Variants in GLB1 observed in about 807,000 individuals in gnomAD.
GLB1 encodes the protein galactosidase beta 1, also known as beta-galactosidase.
GLB1 carries 56 observed loss-of-function variants against 74.0 expected under a neutral mutation model. That is an observed-to-expected ratio of 0.76 (90% confidence interval 0.61 to 0.94). GLB1 has a LOEUF of 0.94. GLB1 is among the 40% of genes least tolerant of loss of function. The pLI, the probability that GLB1 is intolerant of heterozygous loss-of-function variation, is 0.00. For synonymous variants in GLB1, 323 were observed against 323.6 expected (o/e 1.00, Z 0.02); for missense variants, 787 against 845.5 (o/e 0.93, Z 0.86).
chr3:33,046,287 G>T, intron 9 of GLB1, 55 bp from the exon 10 acceptor site: 1 of 1,601,672 alleles, frequency 6.2e-7, no homozygotes, highest in African/African-American at 1.3e-5. Context: ...TCTGGGACAA[G>T]TTCTTTGGGA....
chr3:33,021,717 G>A lies in GLB1; in HGVS notation c.1144-62C>T, dbSNP rs184751227. On this transcript the variant is annotated intron_variant, in intron 11 of 15. Coordinates refer to ENST00000307363, the MANE Select transcript of GLB1 (RefSeq NM_000404.4). ...CCCTCACTGGTCATCAGGTTACAGA[G>A]TCATTCCCTAATTATCAAAGACATC... is the stretch of plus-strand genomic sequence containing the variant. The A allele has an allele frequency of 1.2e-4, 180 of 1,562,738 alleles. No individual in the cohort carries two copies. The African/African-American group carries it at 2.2e-3, about 19-fold the overall frequency.
chr3:33,037,328 G>A (rs1296293579), intron 10 of GLB1, among the ~76,000 whole-genome samples: 1 of 152,142 alleles, frequency 6.6e-6, no homozygotes. Context: ...TTACAGGTAT[G>A]AGCCACCACA....
chr3:32,995,555 G>A (rs1266591936), downstream of GLB1, among the ~76,000 whole-genome samples: 1 of 152,028 alleles, frequency 6.6e-6, no homozygotes, highest in African/African-American at 2.4e-5. Context: ...GGCTCAACCT[G>A]TGTTTAAAGA....
At chr3:33,090,813 T>C (rs1700725609) in intron 1 of GLB1, 1 of 985,286 alleles carries the variant, frequency 1.0e-6, no homozygotes, top group African/African-American at 1.7e-5. Context: ...ACCTGTTTTC[T>C]TTCTGCTAAT....
intron 12 of GLB1, 172 bp downstream of exon 12, chr3:33,021,394 A>T: frequency 1.3e-6 from 1 of 755,326 alleles, no homozygotes; most frequent in Non-Finnish European, 2.2e-6. Context: ...TCAGCCCACC[A>T]CGCAGCACTT....
rs1553610268 is a variant in GLB1, at chr3:33,051,233, C to CAGA, written c.955+524_955+525insTCT. ...TGGGCGACAGAGCGAGACTGCGTCT[C>CAGA]AAAAAAAAAAAAAAAAAAAAAAAGT... On this transcript the variant is annotated intron_variant, in intron 9 of 15. Coordinates refer to ENST00000307363, the MANE Select transcript of GLB1 (RefSeq NM_000404.4). 9.2e-5 allele frequency among the ~76,000 whole-genome samples: 7 copies of CAGA among 76,406 alleles called. 1 individual carries two copies. The highest frequency in any genetic ancestry group is 1.5e-4 in the Admixed American group (1 of 6,642). 50.1% of individuals were successfully genotyped at this position (76,406 alleles called of 152,430 possible).
the GLB1 span, among the ~76,000 whole-genome samples, chr3:32,961,157 C>T: frequency 6.6e-6 from 1 of 152,192 alleles, no homozygotes; most frequent in Admixed American, 6.5e-5. Context: ...AACATAACTG[C>T]CAAAGTCTGC....
In GLB1 at chr3:33,034,756, G is replaced by A. The variant is rs142702869; in HGVS notation, c.1069-10431C>T. 1.7e-3 allele frequency: 1,120 copies of A among 669,260 alleles called. 5 individuals carry two copies. Among genetic ancestry groups the A allele is most frequent in the African/African-American group, 0.016 (897 of 56,256 alleles). 41.5% of individuals were successfully genotyped at this position (669,260 alleles called of 1,614,324 possible). ...GGGTGTGTATCAGTGATGTCAACAA[G>A]GGCCAGGGCTCTGTGTCAGCTTCAG... On this transcript the variant is annotated intron_variant, in intron 10 of 15. Coordinates refer to ENST00000307363, the MANE Select transcript of GLB1 (RefSeq NM_000404.4).
In GLB1 at chr3:33,066,917, TA is replaced by T. The variant is rs202088542; in HGVS notation, c.457+1312del. 2.2e-3 allele frequency among the ~76,000 whole-genome samples: 341 copies of T among 151,562 alleles called. 7 individuals carry two copies. The South Asian group carries it at 0.042, about 19-fold the overall frequency. ...AAACTATCATTTACACATTGCTCTA[TA>T]AAAGTGGCCAGAATATAGAAGGCAT... On this transcript the variant is annotated intron_variant, in intron 4 of 15. Transcript: ENST00000307363.
chr3:32,984,651 C>T, the GLB1 span, among the ~76,000 whole-genome samples: 6 of 152,002 alleles, frequency 3.9e-5, no homozygotes, highest in African/African-American at 9.6e-5. Flanking sequence ...TTACCAGGCA[C>T]GGTGGCTCAC....
At chr3:33,090,410 C>T (rs940860525) in intron 1 of GLB1, 56 of 985,178 alleles carry the variant, frequency 5.7e-5, no homozygotes, top group Non-Finnish European at 6.4e-5. Context: ...GGAAGAAAAG[C>T]ATGGATGGGT....
the GLB1 span, among the ~76,000 whole-genome samples, chr3:32,981,813 A>G: frequency 1.3e-5 from 2 of 152,108 alleles, no homozygotes; most frequent in African/African-American, 4.8e-5. Flanking sequence ...ATACTAACAA[A>G]GTTACGTCAG....
At chr3:33,042,389 T>TTTTTTTTTC (rs1553609327) in intron 10 of GLB1, among the ~76,000 whole-genome samples, 3 of 146,542 alleles carry the variant, frequency 2.0e-5, no homozygotes, top group African/African-American at 5.1e-5. Flanking sequence ...TTTTTTTTTT[T>TTTTTTTTTC]CCAAGTCTCG....
At chr3:33,015,017 G>A (rs776825944) in intron 14 of GLB1, among the ~76,000 whole-genome samples, 1 of 152,112 alleles carries the variant, frequency 6.6e-6, no homozygotes, top group Non-Finnish European at 1.5e-5. Context: ...TTGGCCTAGT[G>A]TGGGGGCATG....
chr3:32,991,103 T>C, the GLB1 span, among the ~76,000 whole-genome samples: 4 of 152,192 alleles, frequency 2.6e-5, no homozygotes, highest in African/African-American at 4.8e-5. Flanking sequence ...AGAAACCACA[T>C]TGAGCTTTGT....
intron 9 of GLB1, among the ~76,000 whole-genome samples, chr3:33,050,365 T>C (rs995181080): frequency 6.6e-6 from 1 of 152,182 alleles, no homozygotes; most frequent in Non-Finnish European, 1.5e-5. Context: ...AGCAACACTA[T>C]AACCAAAATG....
rs56744150 is a variant in GLB1 at position 33,001,681 on chromosome 3, C to T, written c.1735-4337G>A. Among the ~76,000 whole-genome samples, 3,334 of 152,242 alleles carry T rather than the reference C, an allele frequency of 0.022. 516 individuals carry two copies. In the East Asian group the frequency reaches 0.42, roughly 19 times the overall value. On this transcript the variant is annotated intron_variant, in intron 15 of 15. Transcript: ENST00000307363. Reference sequence around the variant, plus strand: ...CCATTTTGTTTGAGGCGAGATTCTCCGCACGCAGGAGAGTGATATTCAATA... The same window carrying T: ...CCATTTTGTTTGAGGCGAGATTCTCTGCACGCAGGAGAGTGATATTCAATA...
At chr3:33,069,263 T>G (rs1427775644) in intron 2 of GLB1, among the ~76,000 whole-genome samples, 1 of 152,086 alleles carries the variant, frequency 6.6e-6, no homozygotes, top group Non-Finnish European at 1.5e-5. Flanking sequence ...TGTATGCCTG[T>G]GGTCCCAGTT....
At chr3:33,050,352 C>CA (rs1698924169) in intron 9 of GLB1, among the ~76,000 whole-genome samples, 1 of 152,156 alleles carries the variant, frequency 6.6e-6, no homozygotes, top group Non-Finnish European at 1.5e-5. Flanking sequence ...CATCAATGTT[C>CA]AAAGCAACAC....
Sources: gnomAD v4.1 joint callset for allele counts (sites outside exome capture counted in the v4.1 genomes callset) on GRCh38, gnomAD v4.1.1 for gene constraint, MANE v1.5 for transcripts, NCBI Gene and HGNC (gene_info 2026-07-23, HGNC 2026-07-21) for gene names.